The following RPRD1B variants were observed in gnomAD, a reference collection of about 807,000 sequenced individuals.
The protein encoded by RPRD1B is regulation of nuclear pre-mRNA domain-containing protein 1B.
RPRD1B carries 11 observed loss-of-function variants against 41.5 expected under a neutral mutation model. The ratio of observed to expected loss-of-function variants is 0.27; its 90% CI spans 0.17 to 0.44. RPRD1B has a LOEUF of 0.44. Ranked by LOEUF, RPRD1B falls within the 20% of genes least tolerant of loss-of-function variation. The pLI, the probability that RPRD1B is intolerant of heterozygous loss-of-function variation, is 1.00. For synonymous variants in RPRD1B, 158 were observed against 155.6 expected (o/e 1.02, Z -0.12); for missense variants, 248 against 389.9 (o/e 0.64, Z 3.06).
intron 2 of RPRD1B, among the ~76,000 whole-genome samples, chr20:38,045,956 T>A (rs1212495784): frequency 6.6e-6 from 1 of 152,246 alleles, no homozygotes; most frequent in African/African-American, 2.4e-5. Context: ...CAGGGCTCGC[T>A]GTAATTGAAT....
At chr20:38,076,787 T>C (rs994494899) in intron 6 of RPRD1B, among the ~76,000 whole-genome samples, 6 of 152,082 alleles carry the variant, frequency 3.9e-5, no homozygotes, top group Non-Finnish European at 7.3e-5. Flanking sequence ...TGTATTTGCA[T>C]TTCTGGTTTC....
At chr20:38,089,312 T>C (rs2074591415) in intron 6 of RPRD1B, among the ~76,000 whole-genome samples, 2 of 152,174 alleles carry the variant, frequency 1.3e-5, no homozygotes, top group African/African-American at 4.8e-5. Flanking sequence ...AGCTTTAACA[T>C]AGGAAGTATA....
chr20:38,048,092 T>A (rs1311167125), intron 2 of RPRD1B, among the ~76,000 whole-genome samples: 1 of 152,216 alleles, frequency 6.6e-6, no homozygotes, highest in Non-Finnish European at 1.5e-5. Flanking sequence ...TTTTGATAAT[T>A]TTCTGTCTGT....
intron 2 of RPRD1B, among the ~76,000 whole-genome samples, chr20:38,043,028 A>G (rs575107242): frequency 3.3e-5 from 5 of 152,322 alleles, no homozygotes; most frequent in East Asian, 3.9e-4. Flanking sequence ...TTCAACATGT[A>G]TTGGAGTGCC....
intron 6 of RPRD1B, among the ~76,000 whole-genome samples, chr20:38,078,380 A>G (rs2074484195): frequency 6.6e-6 from 1 of 152,056 alleles, no homozygotes; most frequent in African/African-American, 2.4e-5. Flanking sequence ...CATCAGTTAT[A>G]CTTACCTAGT....
chr20:38,077,175 C>CTGT (rs1418175557), intron 6 of RPRD1B, among the ~76,000 whole-genome samples: 4 of 152,004 alleles, frequency 2.6e-5, no homozygotes, highest in Non-Finnish European at 5.9e-5. Context: ...GCCTCAGCCT[C>CTGT]CCAAAGCGCT....
At chr20:38,061,946 G>A (rs2034693510) in intron 5 of RPRD1B, among the ~76,000 whole-genome samples, 1 of 152,168 alleles carries the variant, frequency 6.6e-6, no homozygotes, top group African/African-American at 2.4e-5. Flanking sequence ...TGGCAGGTGT[G>A]ATTAAATATC....
chr20:38,049,341 A>ATTTTTTC (rs1317772737), intron 3 of RPRD1B, among the ~76,000 whole-genome samples: 10 of 94,664 alleles, frequency 1.1e-4, no homozygotes, highest in Admixed American at 1.9e-4. Context: ...AGCTTATATT[A>ATTTTTTC]TTTTTTCTTT....
At chr20:38,047,366 T>C (rs777933903) in intron 2 of RPRD1B, among the ~76,000 whole-genome samples, 2 of 152,198 alleles carry the variant, frequency 1.3e-5, no homozygotes, top group African/African-American at 2.4e-5. Flanking sequence ...GAAAGCGTTG[T>C]CATGGTCGGG....
In RPRD1B at chr20:38,087,251, C is replaced by T. The variant is rs138745683; in HGVS notation, c.832-2475C>T. On this transcript the variant is annotated intron_variant, in intron 6 of 6. Transcript: ENST00000373433. ...CTGGGATTATAGGCATGAGCCACTG[C>T]GCCTGGCCACAACTGGGATTTTTAA... 5.8e-4 allele frequency among the ~76,000 whole-genome samples: 88 copies of T among 152,320 alleles called. 1 individual carries two copies. The East Asian group carries it at 0.014, about 24-fold the overall frequency.
At chr20:38,076,384 G>A (rs187656791) in intron 6 of RPRD1B, among the ~76,000 whole-genome samples, 3 of 152,186 alleles carry the variant, frequency 2.0e-5, no homozygotes, top group Admixed American at 6.5e-5. Flanking sequence ...ACCTTCCCTC[G>A]TCACATGGGA....
intron 6 of RPRD1B, among the ~76,000 whole-genome samples, chr20:38,076,181 C>T (rs2074458034): frequency 1.3e-5 from 2 of 152,172 alleles, no homozygotes; most frequent in Admixed American, 1.3e-4. Flanking sequence ...TTTAAGATAC[C>T]ATTTACCCCA....
chr20:38,052,345 A>G (rs1311278092), intron 3 of RPRD1B, among the ~76,000 whole-genome samples: 1 of 152,188 alleles, frequency 6.6e-6, no homozygotes, highest in African/African-American at 2.4e-5. Flanking sequence ...GCTGGAGAAC[A>G]TGGTAGCTAA....
intron 3 of RPRD1B, among the ~76,000 whole-genome samples, chr20:38,049,074 T>A (rs2122707589): frequency 6.6e-6 from 1 of 151,532 alleles, no homozygotes; most frequent in African/African-American, 2.4e-5. Flanking sequence ...CCCAGCCTCC[T>A]GAGTAGCTGA....
chr20:38,086,202 G>A (rs1412247794), intron 6 of RPRD1B, among the ~76,000 whole-genome samples: 1 of 152,124 alleles, frequency 6.6e-6, no homozygotes, highest in Non-Finnish European at 1.5e-5. Flanking sequence ...TTTAAAAGCA[G>A]GGATGGGGAG....
intron 4 of RPRD1B, among the ~76,000 whole-genome samples, chr20:38,058,774 A>G (rs2074268742): frequency 6.6e-6 from 1 of 152,180 alleles, no homozygotes; most frequent in Non-Finnish European, 1.5e-5. Flanking sequence ...TAGCATGATC[A>G]TAGTTCACTG....
chr20:38,086,721 C>T (rs2074564594), intron 6 of RPRD1B, among the ~76,000 whole-genome samples: 1 of 152,228 alleles, frequency 6.6e-6, no homozygotes, highest in East Asian at 1.9e-4. Flanking sequence ...GACGCCTGCT[C>T]TTACAATAGG....
chr20:38,087,765 G>C (rs1001811952), intron 6 of RPRD1B, among the ~76,000 whole-genome samples: 2 of 152,170 alleles, frequency 1.3e-5, no homozygotes, highest in African/African-American at 2.4e-5. Context: ...TTTGAAAATA[G>C]TTTTCAACTT....
chr20:38,075,089 G>A (rs2074446355), intron 6 of RPRD1B, among the ~76,000 whole-genome samples: 1 of 152,186 alleles, frequency 6.6e-6, no homozygotes. Flanking sequence ...CTAACTTTCA[G>A]TGTTTGGATT....
Sources: allele counts gnomAD v4.1 joint callset (sites outside exome capture counted in the v4.1 genomes callset), GRCh38; gene constraint gnomAD v4.1.1; transcripts MANE v1.5; gene names NCBI Gene and HGNC (gene_info 2026-07-23, HGNC 2026-07-21).